RBFOX1: variants seen among roughly 807,000 people sequenced by gnomAD.
RBFOX1 encodes RNA binding protein fox-1 homolog 1.
In RBFOX1, 8 loss-of-function variants were observed where a neutral mutation model predicts 57.7. The observed-to-expected ratio is 0.14, with a 90% CI of 0.08 to 0.25. The LOEUF is 0.25. Ranked by LOEUF, RBFOX1 falls within the 10% of genes least tolerant of loss-of-function variation. RBFOX1 has a pLI of 1.00. For synonymous variants in RBFOX1, 326 were observed against 222.4 expected (o/e 1.47, Z -4.15); for missense variants, 611 against 548.5 (o/e 1.11, Z -1.14).
intron 2 of RBFOX1, among the ~76,000 whole-genome samples, chr16:5,497,031 T>C (rs1413099508): frequency 6.6e-6 from 1 of 152,180 alleles, no homozygotes; most frequent in South Asian, 2.1e-4. Flanking sequence ...ATTGAGTAAA[T>C]TGAATTTTTT....
At chr16:5,285,995 C>T (rs1421061154) in intron 1 of RBFOX1, among the ~76,000 whole-genome samples, 11 of 152,148 alleles carry the variant, frequency 7.2e-5, no homozygotes, top group African/African-American at 2.4e-4. Flanking sequence ...TGGTCTCGAA[C>T]TCCTCACCTC....
At chr16:5,547,939 C>T (rs111865944) in intron 2 of RBFOX1, among the ~76,000 whole-genome samples, 2 of 151,778 alleles carry the variant, frequency 1.3e-5, no homozygotes, top group Non-Finnish European at 2.9e-5. Context: ...GTGGGCAGAT[C>T]CCCTGAGGTC....
rs189385567 is a variant in RBFOX1 at position 6,539,021 on chromosome 16, G to T, written c.-63-115582G>T. 1.7e-3 allele frequency among the ~76,000 whole-genome samples: 264 copies of T among 152,014 alleles called. 2 individuals carry two copies. The highest frequency in any genetic ancestry group is 6.2e-3 in the African/African-American group (256 of 41,444). ...TCCAATGTTATTTTTACTGTCTCAT[G>T]TGGAGTGTCCTATATGATTTGAATA... On this transcript the variant is annotated intron_variant, in intron 2 of 15. Coordinates refer to ENST00000550418, the MANE Select transcript of RBFOX1 (RefSeq NM_018723.4).
At chr16:6,510,900 T>C (rs1270167737) in intron 2 of RBFOX1, among the ~76,000 whole-genome samples, 1 of 151,736 alleles carries the variant, frequency 6.6e-6, no homozygotes, top group Admixed American at 6.6e-5. Context: ...TAATACTTAC[T>C]AGTGGCTGAC....
intron 3 of RBFOX1, among the ~76,000 whole-genome samples, chr16:6,977,428 G>T (rs141051408): frequency 1.0e-3 from 154 of 152,076 alleles, no homozygotes; most frequent in African/African-American, 3.5e-3. Context: ...TTATTTACTT[G>T]TTCCCTTAAC....
intron 4 of RBFOX1, among the ~76,000 whole-genome samples, chr16:7,073,591 C>A (rs2057759748): frequency 6.6e-6 from 1 of 152,008 alleles, no homozygotes; most frequent in Non-Finnish European, 1.5e-5. Context: ...ACGTGTAATC[C>A]CAGCCCCTTT....
At chr16:7,231,692 A>G (rs1274186206) in intron 4 of RBFOX1, among the ~76,000 whole-genome samples, 6 of 152,258 alleles carry the variant, frequency 3.9e-5, no homozygotes, top group African/African-American at 1.2e-4. Context: ...AATGTGGTCT[A>G]TCCATACAAT....
rs767345247 is a variant in RBFOX1 at position 7,671,583 on chromosome 16, G to T, written c.931-5191G>T. On this transcript the variant is annotated intron_variant, in intron 13 of 15. Coordinates refer to ENST00000550418, the MANE Select transcript of RBFOX1 (RefSeq NM_018723.4). ...GTAGTGTATCAAGAGCCTGTGTATG[G>T]CAATAAATTGCTGCAGGTATGAAAT... is the stretch of plus-strand genomic sequence containing the variant. 4.3e-6 allele frequency: 7 copies of T among 1,611,740 alleles called. No individual in the cohort carries two copies. In the Admixed American group the frequency reaches 1.0e-4, roughly 23 times the overall value.
chr16:6,960,211 A>G (rs2082671837), intron 3 of RBFOX1, among the ~76,000 whole-genome samples: 1 of 152,172 alleles, frequency 6.6e-6, no homozygotes, highest in Non-Finnish European at 1.5e-5. Context: ...AAGGATAATC[A>G]TCCCAGCACC....
At chr16:6,128,055 T>C (rs1000228726) in intron 1 of RBFOX1, among the ~76,000 whole-genome samples, 1 of 152,204 alleles carries the variant, frequency 6.6e-6, no homozygotes, top group Non-Finnish European at 1.5e-5. Flanking sequence ...ATGTGACTTC[T>C]CAGTACTTCT....
chr16:7,153,413 T>A (rs2076462809), intron 4 of RBFOX1, among the ~76,000 whole-genome samples: 1 of 152,012 alleles, frequency 6.6e-6, no homozygotes, highest in Non-Finnish European at 1.5e-5. Context: ...AAAATTTGGT[T>A]TAGGGAGGGA....
At chr16:6,294,657 A>G (rs1222267693) in intron 1 of RBFOX1, among the ~76,000 whole-genome samples, 1 of 152,198 alleles carries the variant, frequency 6.6e-6, no homozygotes, top group Non-Finnish European at 1.5e-5. Context: ...TAACTGGATG[A>G]TGAAGAGGGC....
At chr16:6,729,673 T>C (rs1175703436) in intron 3 of RBFOX1, among the ~76,000 whole-genome samples, 2 of 152,184 alleles carry the variant, frequency 1.3e-5, no homozygotes, top group African/African-American at 2.4e-5. Context: ...CAACCCTTAA[T>C]ATATGACCTC....
chr16:6,756,552 T>C (rs1039697035), intron 3 of RBFOX1, among the ~76,000 whole-genome samples: 5 of 152,098 alleles, frequency 3.3e-5, no homozygotes, highest in Non-Finnish European at 7.3e-5. Flanking sequence ...GAGCAAATAT[T>C]TGCAAGCTAT....
intron 4 of RBFOX1, among the ~76,000 whole-genome samples, chr16:5,991,627 T>C (rs1008317323): frequency 6.6e-6 from 1 of 151,346 alleles, no homozygotes; most frequent in Non-Finnish European, 1.5e-5. Context: ...GCCATTTGGT[T>C]TGGGAAATTA....
Position 6,019,728 on chromosome 16 carries a change from C to T in RBFOX1, c.-391C>T, listed in dbSNP as rs996501323. 2.2e-6 allele frequency: 3 copies of T among 1,371,376 alleles called. No homozygotes were observed. The highest frequency in any genetic ancestry group is 2.8e-6 in the Non-Finnish European group (3 of 1,062,084). The allele number at this position is 1,371,376 out of a possible 1,614,324, so 85.0% of individuals were successfully genotyped here. On this transcript the variant is annotated 5_prime_UTR_variant, in exon 1 of 16. Coordinates refer to ENST00000550418, the MANE Select transcript of RBFOX1 (RefSeq NM_018723.4). The surrounding 1 kb of genome is among the most constrained non-coding windows in gnomAD (Gnocchi z 4.2). Reference sequence around the variant, plus strand: ...AGAGAGAGCAGGAGCGGACCGCGCGCCCGGGATTGAGAGTCCTTGCGCTCC... The same window carrying T: ...AGAGAGAGCAGGAGCGGACCGCGCGTCCGGGATTGAGAGTCCTTGCGCTCC...
intron 2 of RBFOX1, among the ~76,000 whole-genome samples, chr16:6,444,508 G>C (rs546255433): frequency 3.5e-4 from 53 of 152,272 alleles, no homozygotes; most frequent in African/African-American, 1.2e-3. Context: ...ATAAAGAGAA[G>C]TTTCCCTGCA....
At position 6,950,399 on chromosome 16, in the gene RBFOX1, A is replaced by G. The variant is rs138586203; in HGVS notation, c.-15-101658A>G. Among the ~76,000 whole-genome samples the G allele has an allele frequency of 4.9e-3, 752 of 152,064 alleles. 1 individual carries two copies. Among genetic ancestry groups the G allele is most frequent in the Non-Finnish European group, 7.6e-3 (519 of 67,976 alleles). The stretch of plus-strand genomic sequence containing the variant: ...GTCCACCCACCACCCACTACCCACT[A>G]CACCAGCATGCACTGAGAACAGGGT... On this transcript the variant is annotated intron_variant, in intron 3 of 15. Transcript: ENST00000550418.
At chr16:7,066,596 A>T (rs2056098176) in intron 4 of RBFOX1, among the ~76,000 whole-genome samples, 1 of 152,100 alleles carries the variant, frequency 6.6e-6, no homozygotes, top group African/African-American at 2.4e-5. Context: ...CTTGACCCTG[A>T]CTCATAAAGC....
Sources: gnomAD v4.1 joint callset for allele counts (sites outside exome capture counted in the v4.1 genomes callset) on GRCh38, gnomAD v4.1.1 for gene constraint, Gnocchi (gnomAD v3.1) non-coding constraint, MANE v1.5 for transcripts, NCBI Gene and HGNC (gene_info 2026-07-23, HGNC 2026-07-21) for gene names.